The following DCC variants were observed in gnomAD, a reference collection of about 807,000 sequenced individuals.
The protein encoded by DCC is DCC netrin 1 receptor.
DCC carries 58 observed loss-of-function variants against 172.5 expected under a neutral mutation model. The observed-to-expected ratio is 0.34, with a 90% CI of 0.27 to 0.42. DCC has a LOEUF of 0.42. Ranked by LOEUF, DCC falls within the 10% of genes least tolerant of loss-of-function variation. The probability of loss-of-function intolerance (pLI) is 1.00; values close to 1 mark genes in which losing one functional copy is unlikely to be tolerated. For synonymous variants in DCC, 709 were observed against 644.5 expected (o/e 1.10, Z -1.52); for missense variants, 1,740 against 1,791.0 (o/e 0.97, Z 0.51).
chr18:53,432,732 T>C (rs1489215695), intron 21 of DCC, among the ~76,000 whole-genome samples: 3 of 130,168 alleles, frequency 2.3e-5, no homozygotes, highest in Non-Finnish European at 3.2e-5. Context: ...AATGGGAGAA[T>C]CTTTTATCAT....
chr18:52,628,802 T>C (rs2034620589), intron 1 of DCC, among the ~76,000 whole-genome samples: 2 of 152,222 alleles, frequency 1.3e-5, no homozygotes, highest in Non-Finnish European at 2.9e-5. Context: ...CTAGAACTTC[T>C]GTCTCAGATT....
intron 12 of DCC, among the ~76,000 whole-genome samples, chr18:53,259,677 C>T (rs1261917395): frequency 2.0e-5 from 3 of 152,188 alleles, no homozygotes; most frequent in South Asian, 2.1e-4. Context: ...GTGAATCTGA[C>T]AATTAAGTGT....
chr18:52,596,099 CA>C (rs2033905041), intron 1 of DCC, among the ~76,000 whole-genome samples: 1 of 152,174 alleles, frequency 6.6e-6, no homozygotes, highest in South Asian at 2.1e-4. Flanking sequence ...GATTACTCAG[CA>C]CTTACAATCT....
chr18:53,225,036 A>G (rs2056002926), intron 12 of DCC, among the ~76,000 whole-genome samples: 1 of 152,154 alleles, frequency 6.6e-6, no homozygotes, highest in African/African-American at 2.4e-5. Flanking sequence ...GAGGAATATG[A>G]CAGGGATAAA....
chr18:53,242,392 A>G (rs1426625594), intron 12 of DCC, among the ~76,000 whole-genome samples: 1 of 152,150 alleles, frequency 6.6e-6, no homozygotes, highest in Non-Finnish European at 1.5e-5. Context: ...CATACATAAA[A>G]CACCTAACAC....
intron 5 of DCC, among the ~76,000 whole-genome samples, chr18:53,025,079 TG>T (rs1477870184): frequency 1.3e-5 from 2 of 152,090 alleles, no homozygotes; most frequent in Non-Finnish European, 2.9e-5. Context: ...CACAAAAAGA[TG>T]AAAAGCTTTA....
intron 2 of DCC, among the ~76,000 whole-genome samples, chr18:52,900,512 A>G (rs1051426133): frequency 6.6e-6 from 1 of 152,162 alleles, no homozygotes; most frequent in Non-Finnish European, 1.5e-5. Context: ...CATCAATATA[A>G]TTTTTGATGC....
chr18:52,541,772 T>C (rs898819610), intron 1 of DCC, among the ~76,000 whole-genome samples: 5 of 151,422 alleles, frequency 3.3e-5, no homozygotes, highest in African/African-American at 1.2e-4. Flanking sequence ...CCCTCTCCAC[T>C]TTATAATGAA....
intron 1 of DCC, among the ~76,000 whole-genome samples, chr18:52,542,610 C>G (rs1410069141): frequency 6.6e-6 from 1 of 152,042 alleles, no homozygotes; most frequent in African/African-American, 2.4e-5. Flanking sequence ...CCGAGGTGGG[C>G]AGATCACTTG....
chr18:53,345,219 C>T (rs2057709774), intron 15 of DCC, among the ~76,000 whole-genome samples: 1 of 151,794 alleles, frequency 6.6e-6, no homozygotes, highest in Non-Finnish European at 1.5e-5. Flanking sequence ...CCATTATTAA[C>T]TCATGGTCTA....
intron 2 of DCC, among the ~76,000 whole-genome samples, chr18:52,878,990 G>C (rs1389931369): frequency 6.6e-6 from 1 of 152,164 alleles, no homozygotes; most frequent in Non-Finnish European, 1.5e-5. Context: ...AAGGCTTAGA[G>C]AGAAAAAGCT....
intron 5 of DCC, among the ~76,000 whole-genome samples, chr18:52,973,704 A>G (rs919046218): frequency 1.3e-5 from 2 of 152,298 alleles, no homozygotes; most frequent in East Asian, 1.9e-4. Flanking sequence ...CATCTTTACT[A>G]TGTTACAGAA....
Position 52,752,050 on chromosome 18 carries a change from C to G in DCC, c.92-4C>G. The G allele has an allele frequency of 6.2e-7, 1 of 1,612,854 alleles. No homozygotes were observed. On this transcript the variant is annotated splice_region_variant and splice_polypyrimidine_tract_variant and intron_variant, in intron 1 of 28. Coordinates refer to ENST00000442544, the MANE Select transcript of DCC (RefSeq NM_005215.4). Reference sequence around the variant, plus strand: ...ACATATTTCCCTGTGCTCTCTTGTTCCAGGTTTTCAAATTAAAGCTTTCAC... The same window carrying G: ...ACATATTTCCCTGTGCTCTCTTGTTGCAGGTTTTCAAATTAAAGCTTTCAC...
chr18:52,467,041 T>TG (rs1239449499), intron 1 of DCC, among the ~76,000 whole-genome samples: 1 of 122,726 alleles, frequency 8.1e-6, no homozygotes, highest in Non-Finnish European at 1.7e-5. Context: ...AAAGTGGTTT[T>TG]TTTAAAAAAA....
At chr18:53,461,165 T>C (rs2045554314) in intron 24 of DCC, among the ~76,000 whole-genome samples, 1 of 152,236 alleles carries the variant, frequency 6.6e-6, no homozygotes, top group African/African-American at 2.4e-5. Flanking sequence ...GCGTTCATTG[T>C]AGATTCTGGA....
intron 5 of DCC, among the ~76,000 whole-genome samples, chr18:53,008,146 G>A: frequency 6.6e-6 from 1 of 151,660 alleles, no homozygotes; most frequent in East Asian, 1.9e-4. Flanking sequence ...ACTATAATAA[G>A]AAAATATCTT....
chr18:53,032,508 A>G (rs1399413227), intron 5 of DCC, among the ~76,000 whole-genome samples: 1 of 152,132 alleles, frequency 6.6e-6, no homozygotes. Context: ...TTTTAGGTGC[A>G]TTGTCTTTCA....
chr18:52,956,114 G>A (rs1404720059), intron 5 of DCC, among the ~76,000 whole-genome samples: 1 of 151,806 alleles, frequency 6.6e-6, no homozygotes, highest in Admixed American at 6.6e-5. Flanking sequence ...TTTGCCTTTA[G>A]TGTTGTATCT....
At chr18:53,003,953 A>G (rs2041606692) in intron 5 of DCC, among the ~76,000 whole-genome samples, 1 of 152,186 alleles carries the variant, frequency 6.6e-6, no homozygotes, top group South Asian at 2.1e-4. Context: ...TACATGCTAC[A>G]TACATATATT....
Sources: allele counts gnomAD v4.1 joint callset (sites outside exome capture counted in the v4.1 genomes callset), GRCh38; gene constraint gnomAD v4.1.1; transcripts MANE v1.5; gene names NCBI Gene and HGNC (gene_info 2026-07-23, HGNC 2026-07-21).